Variants in CCDC122 observed in about 807,000 individuals in gnomAD.
The protein encoded by CCDC122 is coiled-coil domain-containing protein 122.
A neutral mutation model predicts 37.0 loss-of-function variants in CCDC122; 38 were observed. That is an observed-to-expected ratio of 1.03 (90% CI 0.79 to 1.35). CCDC122 has a LOEUF of 1.35. CCDC122 is among the 40% of genes most tolerant of loss of function. The pLI, the probability that CCDC122 is intolerant of heterozygous loss-of-function variation, is 0.00. For synonymous variants in CCDC122, 83 were observed against 95.6 expected (o/e 0.87, Z 0.77); for missense variants, 305 against 310.0 (o/e 0.98, Z 0.12).
chr13:43,865,575 T>C (rs1954251050), intron 4 of CCDC122, among the ~76,000 whole-genome samples: 1 of 152,152 alleles, frequency 6.6e-6, no homozygotes, highest in Admixed American at 6.5e-5. Context: ...TAATAAAAGT[T>C]ATGTGAATGT....
intron 6 of CCDC122, among the ~76,000 whole-genome samples, chr13:43,848,122 T>C (rs77216476): frequency 0.01 from 1,595 of 152,330 alleles, 8 homozygotes; most frequent in Middle Eastern, 0.024. Flanking sequence ...TAATCATTTC[T>C]GTTGCTGACC....
At chr13:43,862,749 A>G (rs960537643) in intron 4 of CCDC122, among the ~76,000 whole-genome samples, 2 of 152,190 alleles carry the variant, frequency 1.3e-5, no homozygotes, top group Non-Finnish European at 1.5e-5. Flanking sequence ...TGCTGGTTAC[A>G]TCAGGCTATC....
At chr13:43,848,730 T>C in intron 6 of CCDC122, 2 of 552,524 alleles carry the variant, frequency 3.6e-6, no homozygotes, top group Non-Finnish European at 4.6e-6. Flanking sequence ...CATTTTTTAT[T>C]TTTATGAACC....
chr13:43,830,227 T>C (rs1008496822), intron 3 of CCDC122, among the ~76,000 whole-genome samples: 1 of 152,174 alleles, frequency 6.6e-6, no homozygotes, highest in Non-Finnish European at 1.5e-5. Context: ...TTACATTGAA[T>C]GGGACAGTGA....
intron 6 of CCDC122, among the ~76,000 whole-genome samples, chr13:43,852,579 G>A (rs1242413494): frequency 6.6e-6 from 1 of 152,116 alleles, no homozygotes; most frequent in Non-Finnish European, 1.5e-5. Context: ...TATCATCTAT[G>A]AGAACTTCCC....
rs763938186 is a variant in CCDC122 at position 43,850,425 on chromosome 13, C to T, written c.672+8356G>A. The stretch of plus-strand genomic sequence containing the variant: ...ATAAAAATGCTTCAATAAACAATTA[C>T]AAACATGCCTGGAAAAAATGTAAAA... On this transcript the variant is annotated intron_variant, in intron 6 of 6. Coordinates refer to ENST00000444614, the MANE Select transcript of CCDC122 (RefSeq NM_144974.5). Among the ~76,000 whole-genome samples the T allele has an allele frequency of 4.6e-5, 7 of 152,104 alleles. No individual in the cohort carries two copies. In the East Asian group the frequency reaches 9.7e-4, roughly 21 times the overall value.
At chr13:43,874,351 A>G (rs1954540016) in intron 2 of CCDC122, among the ~76,000 whole-genome samples, 1 of 152,300 alleles carries the variant, frequency 6.6e-6, no homozygotes, top group African/African-American at 2.4e-5. Context: ...ATGAATAATC[A>G]ACATATTTTT....
chr13:43,869,267 G>GC, intron 3 of CCDC122, 64 bp downstream of exon 3: 3 of 1,203,402 alleles, frequency 2.5e-6, no homozygotes, highest in Non-Finnish European at 3.7e-6. Flanking sequence ...CAATTATCCT[G>GC]CCAGACTACT....
chr13:43,837,173 T>C lies in CCDC122; in HGVS notation c.*107A>G. The stretch of plus-strand genomic sequence containing the variant: ...CGAAGACATCTGTCATTAAGACAGG[T>C]CTCTAATAGTGGATGCTTGTTATTA... On this transcript the variant is annotated 3_prime_UTR_variant, in exon 7 of 7. Coordinates refer to ENST00000444614, the MANE Select transcript of CCDC122 (RefSeq NM_144974.5). The C allele has an allele frequency of 3.7e-6, 4 of 1,070,796 alleles. No homozygotes were observed. Among genetic ancestry groups the C allele is most frequent in the African/African-American group, 1.6e-5 (1 of 63,100 alleles). 66.3% of individuals were successfully genotyped at this position (1,070,796 alleles called of 1,614,324 possible). A position where few individuals can be genotyped will look rare whatever the true frequency, so the allele number is the denominator to read the frequency against.
intron 6 of CCDC122, among the ~76,000 whole-genome samples, chr13:43,849,982 T>C (rs1193403571): frequency 1.3e-5 from 2 of 152,198 alleles, no homozygotes; most frequent in Admixed American, 1.3e-4. Context: ...TCCTCCCTGA[T>C]GTAACATCAA....
intron 2 of CCDC122, among the ~76,000 whole-genome samples, chr13:43,874,307 G>T (rs1954538847): frequency 6.6e-6 from 1 of 152,128 alleles, no homozygotes; most frequent in African/African-American, 2.4e-5. Flanking sequence ...ATGAAATAAT[G>T]CATGTAAAGC....
intron 3 of CCDC122, among the ~76,000 whole-genome samples, chr13:43,824,822 G>A (rs1451649490): frequency 1.3e-5 from 2 of 152,192 alleles, no homozygotes; most frequent in African/African-American, 4.8e-5. Context: ...AATCATCAGA[G>A]AAATGCAAAT....
At chr13:43,840,061 T>C (rs968984781) in intron 6 of CCDC122, among the ~76,000 whole-genome samples, 16 of 152,232 alleles carry the variant, frequency 1.1e-4, no homozygotes, top group African/African-American at 3.6e-4. Flanking sequence ...GGTTGAAGTA[T>C]GGCCGCTGGG....
chr13:43,821,993 GC>G (rs1204134407), downstream of CCDC122, among the ~76,000 whole-genome samples: 3 of 152,184 alleles, frequency 2.0e-5, no homozygotes, highest in African/African-American at 7.2e-5. Flanking sequence ...GGTCCCTGGT[GC>G]CTTATTTAGT....
At chr13:43,863,874 T>A (rs879917113) in intron 4 of CCDC122, among the ~76,000 whole-genome samples, 1 of 152,238 alleles carries the variant, frequency 6.6e-6, no homozygotes, top group Non-Finnish European at 1.5e-5. Flanking sequence ...TTTTTTTGGA[T>A]GAAATTCATC....
intron 2 of CCDC122, among the ~76,000 whole-genome samples, chr13:43,870,372 C>T (rs943297105): frequency 6.6e-6 from 1 of 152,124 alleles, no homozygotes; most frequent in Non-Finnish European, 1.5e-5. Flanking sequence ...ACACACAGAA[C>T]TGTCCCAGAT....
intron 2 of CCDC122, among the ~76,000 whole-genome samples, chr13:43,870,188 A>G (rs2153879242): frequency 6.6e-6 from 1 of 152,296 alleles, no homozygotes; most frequent in Non-Finnish European, 1.5e-5. Flanking sequence ...CAACTAAGCT[A>G]AAGAAATCCT....
intron 6 of CCDC122, among the ~76,000 whole-genome samples, chr13:43,857,237 T>C (rs576187758): frequency 6.6e-6 from 1 of 152,344 alleles, no homozygotes; most frequent in South Asian, 2.1e-4. Context: ...TTCTTATCTC[T>C]TTCTTATCAC....
downstream of CCDC122, among the ~76,000 whole-genome samples, chr13:43,831,610 T>C (rs551510344): frequency 6.6e-6 from 1 of 152,340 alleles, no homozygotes; most frequent in African/African-American, 2.4e-5. Flanking sequence ...AGACTGGCAG[T>C]ATATTGTCAA....
Sources: allele counts gnomAD v4.1 joint callset (sites outside exome capture counted in the v4.1 genomes callset), GRCh38; gene constraint gnomAD v4.1.1; transcripts MANE v1.5; gene names NCBI Gene and HGNC (gene_info 2026-07-23, HGNC 2026-07-21).